Variants in ADAM7 observed in about 807,000 individuals in gnomAD.
ADAM7 encodes the protein disintegrin and metalloproteinase domain-containing protein 7.
ADAM7 carries 97 observed loss-of-function variants against 102.9 expected under a neutral mutation model. That is an observed-to-expected ratio of 0.94 (90% CI 0.80 to 1.12). The LOEUF (loss-of-function observed/expected upper bound fraction) is 1.12, where lower values mean the gene tolerates loss of function less well. Among genes scored for constraint, ADAM7 ranks in the 50% most tolerant of loss-of-function variants. The pLI is 0.00. For missense variants in ADAM7, 991 were observed against 908.7 expected (o/e 1.09, Z -1.16); for synonymous variants, 334 against 304.4 (o/e 1.10, Z -1.01).
At chr8:24,485,528 A>T (rs1006243092) in intron 10 of ADAM7, among the ~76,000 whole-genome samples, 167 bp downstream of exon 10, 33 of 152,214 alleles carry the variant, frequency 2.2e-4, no homozygotes, top group African/African-American at 6.8e-4. Context: ...AAAATGTTTT[A>T]TTGAAAAATT....
chr8:24,461,814 CA>C (rs1489557325), intron 3 of ADAM7, among the ~76,000 whole-genome samples: 1 of 152,036 alleles, frequency 6.6e-6, no homozygotes, highest in East Asian at 1.9e-4. Context: ...TTAGCTATAA[CA>C]TTTTCAATTT....
At chr8:24,480,922 C>T (rs1365470616) in intron 8 of ADAM7, among the ~76,000 whole-genome samples, 1 of 152,092 alleles carries the variant, frequency 6.6e-6, no homozygotes, top group East Asian at 1.9e-4. Context: ...AATAGCAAGG[C>T]ACAGTGGTGT....
At chr8:24,461,242 T>C (rs999214325) in intron 3 of ADAM7, among the ~76,000 whole-genome samples, 1 of 152,122 alleles carries the variant, frequency 6.6e-6, no homozygotes, top group African/African-American at 2.4e-5. Flanking sequence ...TCCACCCGCC[T>C]CAGCCTCCCA....
At chr8:24,464,410 C>T (rs906433210) in intron 4 of ADAM7, among the ~76,000 whole-genome samples, 2 of 152,096 alleles carry the variant, frequency 1.3e-5, no homozygotes, top group African/African-American at 2.4e-5. Context: ...TTTCTTCAAT[C>T]CTCAAATGAA....
intron 9 of ADAM7, 80 bp downstream of exon 9, chr8:24,482,391 AC>A (rs1819984925): frequency 5.2e-6 from 6 of 1,148,834 alleles, no homozygotes; most frequent in Non-Finnish European, 7.4e-6. Flanking sequence ...CAGAAAAAAA[AC>A]ATTTTTTAAG....
In ADAM7 at chr8:24,493,099, G is replaced by C. The variant is rs1239880009; in HGVS notation, c.1712G>C (p.Gly571Ala). 1 of 1,612,082 alleles carries C rather than the reference G, an allele frequency of 6.2e-7. No homozygotes were observed. The highest frequency in any genetic ancestry group is 8.5e-7 in the Non-Finnish European group (1 of 1,179,128). Residue 571 changes from glycine to alanine, a missense_variant, in exon 16 of 22, where the codon GGA becomes GCA. Coordinates refer to ENST00000175238, the MANE Select transcript of ADAM7 (RefSeq NM_003817.4). ...CTGGELSSLL[G>A]EDKTYHLKDP... ...GGAGGGGAGCTTTCCTCTCTCCTTG[G>C]AGAAGACAAGACTTATCACCTTAAG...
chr8:24,506,119 T>G (rs1476446988), intron 20 of ADAM7: 5 of 1,550,198 alleles, frequency 3.2e-6, no homozygotes, highest in Non-Finnish European at 4.4e-6. Flanking sequence ...TTGGAAAGCC[T>G]GCCCACTAGT....
chr8:24,492,202 G>T (rs2129392418), intron 14 of ADAM7, 104 bp downstream of exon 14: 1 of 1,152,082 alleles, frequency 8.7e-7, no homozygotes, highest in Admixed American at 2.4e-5. Context: ...GTCATTTGTG[G>T]CATTATTCCA....
chr8:24,444,144 C>T (rs1006449987), intron 2 of ADAM7, among the ~76,000 whole-genome samples: 2 of 150,414 alleles, frequency 1.3e-5, no homozygotes, highest in Non-Finnish European at 3.0e-5. Context: ...AAAGAGCTCC[C>T]GATGGCCAAA....
Position 24,500,873 on chromosome 8 carries a change from A to G in ADAM7, c.2086A>G (p.Ile696Val), listed in dbSNP as rs372538251. The G allele has an allele frequency of 5.3e-5, 86 of 1,612,798 alleles. No individual in the cohort carries two copies. In the Middle Eastern group the frequency reaches 8.2e-4, roughly 15 times the overall value. Residue 696 changes from isoleucine (I) to valine (V), a missense_variant, in exon 19 of 22, where the codon ATC (isoleucine) becomes GTC (valine). By Grantham distance (29) the Ile-to-Val change is conservative. Coordinates refer to ENST00000175238, the MANE Select transcript of ADAM7 (RefSeq NM_003817.4). ...ACTATTAGTTCGTTACCGAAAATGT[A>G]TCAAGTTGAAGCAAGTTCAGAGGTA... ...LILLVRYRKC[I>V]KLKQVQSPPT...
At chr8:24,441,274 G>A in intron 1 of ADAM7, 114 bp downstream of exon 1, 1 of 1,040,250 alleles carries the variant, frequency 9.6e-7, no homozygotes, top group Non-Finnish European at 1.5e-6. Flanking sequence ...TGATTTTTCT[G>A]AGAGCTTCGA....
intron 3 of ADAM7, among the ~76,000 whole-genome samples, chr8:24,460,112 C>G (rs1819187530): frequency 6.6e-6 from 1 of 152,066 alleles, no homozygotes; most frequent in South Asian, 2.1e-4. Context: ...TTGGGCCAAT[C>G]ATTTGTGTAT....
chr8:24,475,795 A>C (rs1032600372), intron 7 of ADAM7: 1 of 307,380 alleles, frequency 3.3e-6, no homozygotes, highest in African/African-American at 2.2e-5. Context: ...TATTAAGTAC[A>C]TTTGATCAGG....
At position 24,466,927 on chromosome 8, in the gene ADAM7, T is replaced by G. The variant is rs758568601; in HGVS notation, c.518T>G (p.Leu173Arg). The G allele has an allele frequency of 1.2e-6, 2 of 1,613,920 alleles. No individual in the cohort carries two copies. The highest frequency in any genetic ancestry group is 1.7e-6 in the Non-Finnish European group (2 of 1,179,960). ...PYGANYSCTE[L>R]NFTRKTVPGD... ...GGTGCCAATTATTCCTGTACAGAGC[T>G]TAATTTTACCAGAAAAACTGTTCCA... The change falls in exon 6 of 22, where the codon CTT becomes CGT. Residue 173 changes from leucine (L) to arginine (R), a missense_variant. Coordinates refer to ENST00000175238, the MANE Select transcript of ADAM7 (RefSeq NM_003817.4).
intron 1 of ADAM7, 67 bp from the exon 2 acceptor site, chr8:24,442,406 T>G: frequency 9.3e-7 from 1 of 1,077,210 alleles, no homozygotes; most frequent in Non-Finnish European, 1.4e-6. Context: ...AGAACAATTC[T>G]GTTTTTCAGC....
At chr8:24,503,762 A>C (rs1820845085) in intron 20 of ADAM7, among the ~76,000 whole-genome samples, 1 of 152,146 alleles carries the variant, frequency 6.6e-6, no homozygotes, top group African/African-American at 2.4e-5. Flanking sequence ...CATTTGCAGC[A>C]AACTATCACA....
chr8:24,453,668 A>G (rs1233304774), intron 3 of ADAM7, among the ~76,000 whole-genome samples: 3 of 152,192 alleles, frequency 2.0e-5, no homozygotes, highest in Non-Finnish European at 2.9e-5. Context: ...GTCATTCTCC[A>G]TTCAGCTTTA....
chr8:24,496,944 G>A (rs774461909), intron 16 of ADAM7, among the ~76,000 whole-genome samples: 28 of 152,264 alleles, frequency 1.8e-4, no homozygotes, highest in Non-Finnish European at 2.6e-4. Flanking sequence ...CATGAGATTT[G>A]GGAGGGGCCA....
intron 3 of ADAM7, among the ~76,000 whole-genome samples, chr8:24,461,115 C>T (rs560470787): frequency 6.6e-6 from 1 of 152,214 alleles, no homozygotes; most frequent in Non-Finnish European, 1.5e-5. Context: ...GCCTCAGTCT[C>T]CTGAGTAGCT....
Sources: gnomAD v4.1 joint callset for allele counts (sites outside exome capture counted in the v4.1 genomes callset) on GRCh38, gnomAD v4.1.1 for gene constraint, MANE v1.5 for transcripts, NCBI Gene and HGNC (gene_info 2026-07-23, HGNC 2026-07-21) for gene names.